ZDHHC14: variants seen among roughly 807,000 people sequenced by gnomAD.
The protein encoded by ZDHHC14 is zDHHC palmitoyltransferase 14.
Under a neutral mutation model 47.7 loss-of-function variants are expected in ZDHHC14, and 16 were observed. The ratio of observed to expected loss-of-function variants is 0.34; its 90% confidence interval spans 0.23 to 0.51. The LOEUF (loss-of-function observed/expected upper bound fraction) is 0.51, where lower values mean the gene tolerates loss of function less well. Among genes scored for constraint, ZDHHC14 ranks in the 20% least tolerant of loss-of-function variants. ZDHHC14 has a pLI of 0.97. For missense variants in ZDHHC14, 515 were observed against 662.5 expected, an observed-to-expected ratio of 0.78 and a Z score of 2.44; for synonymous variants, 293 against 278.9, an observed-to-expected ratio of 1.05 and a Z score of -0.50.
chr6:157,466,445 T>C (rs559952654), intron 1 of ZDHHC14, among the ~76,000 whole-genome samples: 1 of 152,356 alleles, frequency 6.6e-6, no homozygotes, highest in Middle Eastern at 3.4e-3. Context: ...GGAATATTTG[T>C]TGACTCAGCA....
At chr6:157,659,367 C>G (rs113350674) in intron 8 of ZDHHC14, among the ~76,000 whole-genome samples, 10 of 152,216 alleles carry the variant, frequency 6.6e-5, no homozygotes, top group African/African-American at 1.9e-4. Context: ...CTCCGGGCCC[C>G]GCACTGTTGC....
chr6:157,606,250 A>C (rs1784536748), intron 3 of ZDHHC14, among the ~76,000 whole-genome samples: 8 of 151,996 alleles, frequency 5.3e-5, no homozygotes, highest in Admixed American at 5.2e-4. Flanking sequence ...GGATCAGCTG[A>C]GGTCAGGAGT....
intron 1 of ZDHHC14, among the ~76,000 whole-genome samples, chr6:157,494,456 G>T (rs1243269880): frequency 1.3e-5 from 2 of 152,190 alleles, no homozygotes; most frequent in Non-Finnish European, 2.9e-5. Flanking sequence ...CAGGGCATTT[G>T]TTCTGATTTC....
At chr6:157,599,241 A>C (rs541406195) in intron 3 of ZDHHC14, among the ~76,000 whole-genome samples, 29 of 152,368 alleles carry the variant, frequency 1.9e-4, no homozygotes, top group African/African-American at 5.5e-4. Flanking sequence ...CTGGAGAATG[A>C]GGCTCAGAAA....
intron 7 of ZDHHC14, among the ~76,000 whole-genome samples, chr6:157,648,722 G>C (rs1415197962): frequency 6.6e-6 from 1 of 152,206 alleles, no homozygotes; most frequent in African/African-American, 2.4e-5. Flanking sequence ...AGCTCCTCTT[G>C]AAGAAACCTC....
chr6:157,621,501 G>A (rs1343541274), intron 3 of ZDHHC14, among the ~76,000 whole-genome samples: 5 of 152,108 alleles, frequency 3.3e-5, no homozygotes, highest in African/African-American at 1.2e-4. Context: ...CTTGGGGAAC[G>A]AGGCTGGGAT....
At chr6:157,591,273 A>G (rs1783899585) in intron 2 of ZDHHC14, among the ~76,000 whole-genome samples, 1 of 152,160 alleles carries the variant, frequency 6.6e-6, no homozygotes, top group Non-Finnish European at 1.5e-5. Context: ...CAGGGGCAGA[A>G]TGATATGGTT....
intron 1 of ZDHHC14, among the ~76,000 whole-genome samples, chr6:157,528,656 C>T (rs1360555020): frequency 1.3e-5 from 2 of 152,066 alleles, no homozygotes; most frequent in South Asian, 2.1e-4. Flanking sequence ...GGCAAAAACC[C>T]GGGAGGCGGA....
rs762086447 is a variant in ZDHHC14 at position 157,542,610 on chromosome 6, A to G, written c.271A>G (p.Thr91Ala). Residue 91 changes from threonine (T) to alanine (A), a missense_variant, in exon 2 of 9, where the codon ACC becomes GCC. Physicochemically the swap from Thr to Ala is moderately conservative, Grantham distance 58 (BLOSUM62 0). Coordinates refer to ENST00000359775, the MANE Select transcript of ZDHHC14 (RefSeq NM_024630.3). The stretch of plus-strand genomic sequence containing the variant: ...CTGTCCGTACCTGGCGGTGAAAATC[A>G]CCCCTGCCATCCCTGCAGTCGCTGG... The part of the protein sequence containing the change: ...FDCPYLAVKI[T>A]PAIPAVAGIL... The G allele has an allele frequency of 6.2e-7, 1 of 1,613,760 alleles. No homozygotes were observed. The highest frequency in any genetic ancestry group is 8.5e-7 in the Non-Finnish European group (1 of 1,179,962).
At chr6:157,557,055 C>T (rs1348690718) in intron 2 of ZDHHC14, among the ~76,000 whole-genome samples, 1 of 152,228 alleles carries the variant, frequency 6.6e-6, no homozygotes, top group African/African-American at 2.4e-5. Context: ...CCAGACCATG[C>T]CACTCCGGGC....
intron 1 of ZDHHC14, among the ~76,000 whole-genome samples, chr6:157,539,692 G>T (rs1459949154): frequency 2.6e-5 from 4 of 152,140 alleles, no homozygotes; most frequent in African/African-American, 9.7e-5. Context: ...GCACATAGTC[G>T]CCTTGTAACA....
intron 1 of ZDHHC14, among the ~76,000 whole-genome samples, chr6:157,418,002 G>A (rs895494869): frequency 1.3e-5 from 2 of 151,448 alleles, no homozygotes; most frequent in African/African-American, 2.4e-5. Flanking sequence ...GCCGACTGCA[G>A]GACCTGTTGG....
intron 2 of ZDHHC14, among the ~76,000 whole-genome samples, chr6:157,587,407 GC>G (rs1425409020): frequency 6.6e-6 from 1 of 152,118 alleles, no homozygotes; most frequent in African/African-American, 2.4e-5. Flanking sequence ...TCTTCTTAAG[GC>G]CCCTGCTTTT....
intron 1 of ZDHHC14, among the ~76,000 whole-genome samples, chr6:157,394,983 G>T (rs543936320): frequency 6.6e-6 from 1 of 150,814 alleles, no homozygotes; most frequent in African/African-American, 2.4e-5. Context: ...AGAGACAGGG[G>T]TTGCAGCCAG....
chr6:157,596,620 G>A (rs1784143865), intron 3 of ZDHHC14, among the ~76,000 whole-genome samples: 2 of 152,326 alleles, frequency 1.3e-5, no homozygotes, highest in Non-Finnish European at 1.5e-5. Context: ...ACACAGGCCA[G>A]GGCTGAATCC....
chr6:157,489,062 G>A (rs975466306), intron 1 of ZDHHC14, among the ~76,000 whole-genome samples: 3 of 152,144 alleles, frequency 2.0e-5, no homozygotes, highest in African/African-American at 4.8e-5. Flanking sequence ...ACCAGTAAAC[G>A]GGCTTCCATC....
intron 1 of ZDHHC14, among the ~76,000 whole-genome samples, chr6:157,456,411 C>G (rs1027756012): frequency 1.3e-5 from 2 of 152,182 alleles, no homozygotes; most frequent in African/African-American, 4.8e-5. Flanking sequence ...AGAGTCCAGG[C>G]TCTCCCTAGT....
At chr6:157,458,849 A>ATTTTTTTTGTTTTTTTT (rs1778992327) in intron 1 of ZDHHC14, among the ~76,000 whole-genome samples, 1 of 81,226 alleles carries the variant, frequency 1.2e-5, no homozygotes, top group Non-Finnish European at 2.3e-5. Context: ...ATGTGGGTGG[A>ATTTTTTTTGTTTTTTTT]TTTTTTTTTT....
At chr6:157,416,217 A>G (rs1777968877) in intron 1 of ZDHHC14, among the ~76,000 whole-genome samples, 1 of 152,218 alleles carries the variant, frequency 6.6e-6, no homozygotes, top group African/African-American at 2.4e-5. Flanking sequence ...GTAGTCCCCT[A>G]ATTCATATCA....
Sources: allele counts gnomAD v4.1 joint callset (sites outside exome capture counted in the v4.1 genomes callset), GRCh38; gene constraint gnomAD v4.1.1; transcripts MANE v1.5; gene names NCBI Gene and HGNC (gene_info 2026-07-23, HGNC 2026-07-21).